PARD3: variants seen among roughly 807,000 people sequenced by gnomAD.
The protein encoded by PARD3 is partitioning defective 3 homolog.
Under a neutral mutation model 155.4 loss-of-function variants are expected in PARD3, and 75 were observed. The observed-to-expected ratio is 0.48, with a 90% CI of 0.40 to 0.58. The LOEUF (loss-of-function observed/expected upper bound fraction) is 0.58, where lower values mean the gene tolerates loss of function less well. PARD3 is among the 20% of genes least tolerant of loss of function. PARD3 has a pLI of 0.00. For missense variants in PARD3, 1,642 were observed against 1,721.7 expected, an observed-to-expected ratio of 0.95 and a Z score of 0.82; for synonymous variants, 576 against 610.5, an observed-to-expected ratio of 0.94 and a Z score of 0.83.
intron 20 of PARD3, among the ~76,000 whole-genome samples, chr10:34,298,626 G>GAGTTT (rs2134007145): frequency 6.6e-6 from 1 of 152,344 alleles, no homozygotes; most frequent in Non-Finnish European, 1.5e-5. Context: ...GATGGGTACA[G>GAGTTT]AGTTTCGCAA....
At chr10:34,369,963 T>C (rs996800521) in intron 12 of PARD3, among the ~76,000 whole-genome samples, 1 of 152,126 alleles carries the variant, frequency 6.6e-6, no homozygotes, top group Non-Finnish European at 1.5e-5. Context: ...ACTAGCAATA[T>C]TCAAAAAGCC....
At chr10:34,152,531 T>C (rs1401675650) in intron 22 of PARD3, among the ~76,000 whole-genome samples, 1 of 152,242 alleles carries the variant, frequency 6.6e-6, no homozygotes, top group Non-Finnish European at 1.5e-5. Context: ...CACTGTGATA[T>C]GTGCAGTCTG....
intron 4 of PARD3, among the ~76,000 whole-genome samples, chr10:34,469,344 G>C (rs2078205775): frequency 6.6e-6 from 1 of 152,170 alleles, no homozygotes; most frequent in African/African-American, 2.4e-5. Context: ...CTCCTGGCCA[G>C]GAGTTCCACC....
chr10:34,436,403 T>C (rs1469690961), intron 5 of PARD3, among the ~76,000 whole-genome samples: 1 of 152,232 alleles, frequency 6.6e-6, no homozygotes. Context: ...TTTAAAGGTA[T>C]AACTGATCAA....
intron 20 of PARD3, among the ~76,000 whole-genome samples, chr10:34,287,850 A>C (rs1174788247): frequency 6.6e-6 from 1 of 152,170 alleles, no homozygotes; most frequent in Non-Finnish European, 1.5e-5. Context: ...ACCACCCCCT[A>C]ATCACTGGAA....
At chr10:34,809,505 T>TGG (rs1424206744) in intron 1 of PARD3, among the ~76,000 whole-genome samples, 1 of 152,168 alleles carries the variant, frequency 6.6e-6, no homozygotes, top group Non-Finnish European at 1.5e-5. Context: ...CTCCTGGAGA[T>TGG]GGCTGTCTGG....
At chr10:34,354,636 G>A (rs1434237349) in intron 14 of PARD3, among the ~76,000 whole-genome samples, 2 of 152,100 alleles carry the variant, frequency 1.3e-5, no homozygotes, top group Non-Finnish European at 1.5e-5. Context: ...GAAAGACTGC[G>A]TTAAGTCTTT....
At chr10:34,453,484 A>C (rs757463968) in intron 4 of PARD3, among the ~76,000 whole-genome samples, 1 of 152,192 alleles carries the variant, frequency 6.6e-6, no homozygotes, top group Non-Finnish European at 1.5e-5. Flanking sequence ...TGACTTTTTC[A>C]TGAATATTTT....
At chr10:34,216,412 G>A (rs1367538220) in intron 22 of PARD3, among the ~76,000 whole-genome samples, 2 of 152,108 alleles carry the variant, frequency 1.3e-5, no homozygotes, top group African/African-American at 4.8e-5. Context: ...CACTGCAAGC[G>A]GCTTAACCTT....
intron 22 of PARD3, among the ~76,000 whole-genome samples, chr10:34,202,470 C>CT (rs1951265724): frequency 6.6e-6 from 1 of 152,224 alleles, no homozygotes; most frequent in South Asian, 2.1e-4. Context: ...GAGAGCCACT[C>CT]TTTGGAAGAG....
At chr10:34,413,177 A>G (rs1845287516) in intron 5 of PARD3, among the ~76,000 whole-genome samples, 1 of 151,772 alleles carries the variant, frequency 6.6e-6, no homozygotes. Flanking sequence ...ACACACACAC[A>G]CACATATATA....
intron 2 of PARD3, among the ~76,000 whole-genome samples, chr10:34,530,391 G>A (rs1049216523): frequency 6.6e-6 from 1 of 152,188 alleles, no homozygotes; most frequent in African/African-American, 2.4e-5. Context: ...GTCAGATGGT[G>A]TAATTTTGGT....
intron 22 of PARD3, among the ~76,000 whole-genome samples, chr10:34,183,009 G>C (rs1296521): frequency 6.6e-6 from 1 of 152,134 alleles, no homozygotes; most frequent in East Asian, 1.9e-4. Flanking sequence ...TGATAGAGAA[G>C]AAAGAAAGTA....
At chr10:34,787,792 CT>C (rs1841161209) in intron 1 of PARD3, among the ~76,000 whole-genome samples, 1 of 137,008 alleles carries the variant, frequency 7.3e-6, no homozygotes, top group South Asian at 2.3e-4. Flanking sequence ...TTTTTTTTTA[CT>C]TTTGAGACAG....
At chr10:34,250,818 G>A (rs1954264777) in intron 22 of PARD3, among the ~76,000 whole-genome samples, 1 of 151,950 alleles carries the variant, frequency 6.6e-6, no homozygotes, top group South Asian at 2.1e-4. Context: ...CAATTCTATG[G>A]CAGATTTTAT....
At chr10:34,312,383 C>T in intron 20 of PARD3, 2 of 1,612,584 alleles carry the variant, frequency 1.2e-6, no homozygotes, top group African/African-American at 1.3e-5. Flanking sequence ...TTTGGCAAGG[C>T]TAAATGAGAG....
intron 22 of PARD3, among the ~76,000 whole-genome samples, chr10:34,181,568 T>C (rs921351938): frequency 1.6e-4 from 24 of 152,170 alleles, no homozygotes; most frequent in Non-Finnish European, 2.9e-4. Context: ...CCACAATCTG[T>C]CATTTTCTCA....
chr10:34,241,503 A>C (rs1305569552), intron 22 of PARD3, among the ~76,000 whole-genome samples: 1 of 152,164 alleles, frequency 6.6e-6, no homozygotes, highest in Admixed American at 6.5e-5. Context: ...AGGTCCATAA[A>C]AAGAGAAAAA....
chr10:34,483,474 T>C, intron 3 of PARD3, among the ~76,000 whole-genome samples: 1 of 124,172 alleles, frequency 8.1e-6, no homozygotes, highest in Non-Finnish European at 1.6e-5. Context: ...AGAGTGAGAC[T>C]CTGTCACCAA....
Sources: allele counts gnomAD v4.1 joint callset (sites outside exome capture counted in the v4.1 genomes callset), GRCh38; gene constraint gnomAD v4.1.1; transcripts MANE v1.5; gene names NCBI Gene and HGNC (gene_info 2026-07-23, HGNC 2026-07-21).